SRGAP2: variants seen among roughly 807,000 people sequenced by gnomAD.
The protein encoded by SRGAP2 is SLIT-ROBO Rho GTPase activating protein 2.
Under a neutral mutation model 57.2 loss-of-function variants are expected in SRGAP2, and 15 were observed. That is an observed-to-expected ratio of 0.26 (90% CI 0.18 to 0.40). The LOEUF (loss-of-function observed/expected upper bound fraction) is 0.40. Ranked by LOEUF, SRGAP2 falls within the 10% of genes least tolerant of loss-of-function variation. SRGAP2 has a pLI of 1.00. For synonymous variants in SRGAP2, 249 were observed against 248.0 expected (o/e 1.00, Z -0.04); for missense variants, 520 against 669.6 (o/e 0.78, Z 2.47).
chr1:206,456,592 T>C (rs1174619359), intron 21 of SRGAP2, among the ~76,000 whole-genome samples: 1 of 152,058 alleles, frequency 6.6e-6, no homozygotes, highest in Non-Finnish European at 1.5e-5. Flanking sequence ...TAGAGAGTAA[T>C]AACTGAAATG....
chr1:206,414,741 T>G (rs78006781), intron 10 of SRGAP2, among the ~76,000 whole-genome samples: 1 of 152,206 alleles, frequency 6.6e-6, no homozygotes, highest in African/African-American at 2.4e-5. Flanking sequence ...AGCAATTTAT[T>G]TGATACCTCC....
intron 2 of SRGAP2, among the ~76,000 whole-genome samples, chr1:206,260,569 A>G (rs1558260518): frequency 6.6e-6 from 1 of 152,214 alleles, no homozygotes; most frequent in African/African-American, 2.4e-5. Flanking sequence ...GTTCTTTTAC[A>G]TGAAAGGTAA....
intron 19 of SRGAP2, among the ~76,000 whole-genome samples, chr1:206,452,289 AT>A (rs35283705): frequency 6.6e-6 from 1 of 152,050 alleles, no homozygotes; most frequent in African/African-American, 2.4e-5. Flanking sequence ...TTTCATGTGC[AT>A]TTTTTTCATA....
intron 2 of SRGAP2, among the ~76,000 whole-genome samples, chr1:206,228,415 T>C (rs1297203481): frequency 2.1e-4 from 31 of 150,846 alleles, no homozygotes; most frequent in African/African-American, 7.3e-4. Context: ...ATAAAACTTA[T>C]TATGCAATAC....
At chr1:206,324,542 T>C (rs1183864544) in intron 3 of SRGAP2, among the ~76,000 whole-genome samples, 1 of 152,042 alleles carries the variant, frequency 6.6e-6, no homozygotes, top group Non-Finnish European at 1.5e-5. Context: ...ATAAAGTAGA[T>C]ATTCTTCTAT....
intron 2 of SRGAP2, among the ~76,000 whole-genome samples, chr1:206,284,820 T>C (rs1670930219): frequency 6.6e-6 from 1 of 152,014 alleles, no homozygotes; most frequent in East Asian, 1.9e-4. Context: ...ATAAGAGCAG[T>C]GAAAAACTGT....
At chr1:206,429,830 A>C (rs1661132317) in intron 13 of SRGAP2, among the ~76,000 whole-genome samples, 1 of 152,150 alleles carries the variant, frequency 6.6e-6, no homozygotes, top group Non-Finnish European at 1.5e-5. Context: ...GGCAGTTGAG[A>C]TAGAGAGAAG....
intron 16 of SRGAP2, among the ~76,000 whole-genome samples, chr1:206,438,837 G>T (rs553795105): frequency 6.6e-6 from 1 of 152,306 alleles, no homozygotes; most frequent in African/African-American, 2.4e-5. Context: ...CTTCTTCCTA[G>T]GTTGACCAGA....
chr1:206,268,587 G>C (rs1466902159), intron 2 of SRGAP2, among the ~76,000 whole-genome samples: 1 of 151,828 alleles, frequency 6.6e-6, no homozygotes, highest in Admixed American at 6.6e-5. Flanking sequence ...CAGATAAAAA[G>C]GGGAGAATAG....
chr1:206,432,885 T>C (rs1338864786), intron 14 of SRGAP2, among the ~76,000 whole-genome samples: 1 of 152,190 alleles, frequency 6.6e-6, no homozygotes, highest in Non-Finnish European at 1.5e-5. Flanking sequence ...GTATGTGTTG[T>C]TTACCCTGGT....
chr1:206,430,084 CG>C, intron 13 of SRGAP2, 77 bp from the exon 14 acceptor site: 2 of 773,506 alleles, frequency 2.6e-6, no homozygotes, highest in Non-Finnish European at 2.4e-6. Context: ...CAGTTCTGCA[CG>C]GTTTGGCCCG....
At chr1:206,333,680 C>T (rs1270482393) in intron 3 of SRGAP2, among the ~76,000 whole-genome samples, 1 of 152,120 alleles carries the variant, frequency 6.6e-6, no homozygotes. Flanking sequence ...GCACGTGTCA[C>T]CATACCTGGC....
At chr1:206,421,050 T>C (rs1315394310) in intron 12 of SRGAP2, among the ~76,000 whole-genome samples, 200 bp from the exon 13 acceptor site, 1 of 152,232 alleles carries the variant, frequency 6.6e-6, no homozygotes, top group Non-Finnish European at 1.5e-5. Flanking sequence ...GTGGAAGTAA[T>C]TTATCAAGTT....
At chr1:206,355,701 TTA>T (rs1676376991) in intron 4 of SRGAP2, among the ~76,000 whole-genome samples, 1 of 152,198 alleles carries the variant, frequency 6.6e-6, no homozygotes, top group South Asian at 2.1e-4. Flanking sequence ...GCACAGTGGC[TTA>T]TGTCTGTAAC....
intron 3 of SRGAP2, among the ~76,000 whole-genome samples, chr1:206,332,321 C>T (rs1217511733): frequency 5.4e-5 from 2 of 37,050 alleles, no homozygotes; most frequent in African/African-American, 1.5e-4. Flanking sequence ...ATCTTTGTGG[C>T]GTTCCCTGTA....
chr1:206,344,825 A>G (rs1217440862), intron 4 of SRGAP2, among the ~76,000 whole-genome samples: 78 of 151,814 alleles, frequency 5.1e-4, no homozygotes, highest in Non-Finnish European at 9.4e-4. Flanking sequence ...AGGTAGGTAC[A>G]TGGCATGTAT....
intron 7 of SRGAP2, among the ~76,000 whole-genome samples, chr1:206,395,803 G>A (rs1657524241): frequency 6.6e-6 from 1 of 150,604 alleles, no homozygotes; most frequent in South Asian, 2.1e-4. Flanking sequence ...TCCAAGAAGT[G>A]AGGTATTTTG....
chr1:206,376,229 C>T (rs1229138124), intron 4 of SRGAP2, among the ~76,000 whole-genome samples: 5 of 152,150 alleles, frequency 3.3e-5, no homozygotes, highest in African/African-American at 4.8e-5. Flanking sequence ...TTCTTTGTTT[C>T]GTTTTGGGAG....
At chr1:206,321,876 C>T (rs1356044528) in intron 3 of SRGAP2, among the ~76,000 whole-genome samples, 52 of 152,300 alleles carry the variant, frequency 3.4e-4, no homozygotes, top group African/African-American at 1.2e-3. Flanking sequence ...CTTGCCTTTA[C>T]TGTGGAGTTG....
Sources: gnomAD v4.1 joint callset for allele counts (sites outside exome capture counted in the v4.1 genomes callset) on GRCh38, gnomAD v4.1.1 for gene constraint, MANE v1.5 for transcripts, NCBI Gene and HGNC (gene_info 2026-07-23, HGNC 2026-07-21) for gene names.